The following HP1BP3 variants were observed in gnomAD, a reference collection of about 807,000 sequenced individuals.
The protein encoded by HP1BP3 is heterochromatin protein 1-binding protein 3.
Under a neutral mutation model 62.5 loss-of-function variants are expected in HP1BP3, and 12 were observed. The ratio of observed to expected loss-of-function variants is 0.19; its 90% CI spans 0.12 to 0.31. HP1BP3 has a LOEUF of 0.31. Ranked by LOEUF, HP1BP3 falls within the 10% of genes least tolerant of loss-of-function variation. The probability of loss-of-function intolerance (pLI) is 1.00; values close to 1 mark genes in which losing one functional copy is unlikely to be tolerated. For synonymous variants in HP1BP3, 260 were observed against 237.8 expected (o/e 1.09, Z -0.86); for missense variants, 502 against 651.8 (o/e 0.77, Z 2.50).
At position 20,770,925 on chromosome 1, in the gene HP1BP3, A is replaced by T; in HGVS notation, c.654+5T>A. 6.3e-7 allele frequency: 1 copy of T among 1,592,586 alleles called. No homozygotes were observed. Among genetic ancestry groups the T allele is most frequent in the Admixed American group, 1.8e-5 (1 of 54,994 alleles). On this transcript the variant is annotated splice_donor_5th_base_variant and intron_variant, in intron 6 of 12. Transcript: ENST00000438032. ...ATGATCTTACTACTAACAATTGTGT[A>T]ATACCTGTTTGATGACTCCTCTATT... is the stretch of plus-strand genomic sequence containing the variant.
chr1:20,752,901 A>G (rs1359921992), intron 9 of HP1BP3, among the ~76,000 whole-genome samples: 1 of 152,114 alleles, frequency 6.6e-6, no homozygotes, highest in African/African-American at 2.4e-5. Context: ...CACTTGTGTA[A>G]TTGTTAAAGT....
intron 7 of HP1BP3, among the ~76,000 whole-genome samples, chr1:20,766,310 A>C (rs1252140001): frequency 6.6e-6 from 1 of 152,182 alleles, no homozygotes; most frequent in Non-Finnish European, 1.5e-5. Context: ...CACACAAAAA[A>C]CACACATAAA....
Position 20,740,799 on chromosome 1 carries a change from C to G in HP1BP3, c.*3998G>C, listed in dbSNP as rs897306852. ...CACCACTGCGCTGCAGCCTTAGTGACACAGCAAACTCCATCTCAAAAAAAT... is the reference window on the plus strand; with the variant it reads ...CACCACTGCGCTGCAGCCTTAGTGAGACAGCAAACTCCATCTCAAAAAAAT... On this transcript the variant is annotated 3_prime_UTR_variant, in exon 13 of 13. Transcript: ENST00000438032. Among the ~76,000 whole-genome samples the G allele has an allele frequency of 6.6e-6, 1 of 152,184 alleles. No homozygotes were observed. Among genetic ancestry groups the G allele is most frequent in the African/African-American group, 2.4e-5 (1 of 41,438 alleles).
Position 20,744,693 on chromosome 1 carries a change from G to A in HP1BP3, c.*104C>T. On this transcript the variant is annotated 3_prime_UTR_variant, in exon 13 of 13. Transcript: ENST00000438032. ...CCCTCCCCACAATGTTCATAGGGGA[G>A]GAAAATAATGTAATTTGAAAAGCAT... 2 of 1,120,840 alleles carry A rather than the reference G, an allele frequency of 1.8e-6. No individual in the cohort carries two copies. Among genetic ancestry groups the A allele is most frequent in the Non-Finnish European group, 1.3e-6 (1 of 792,580 alleles). 69.4% of individuals were successfully genotyped at this position (1,120,840 alleles called of 1,614,324 possible).
At position 20,741,821 on chromosome 1, in the gene HP1BP3, C is replaced by G. The variant is rs541220056; in HGVS notation, c.*2976G>C. On this transcript the variant is annotated 3_prime_UTR_variant, in exon 13 of 13. Coordinates refer to ENST00000438032, the MANE Select transcript of HP1BP3 (RefSeq NM_001372052.1). ...AGCTATTGATCCATGCTAGAGATTT[C>G]TGGGATTACCTCTGGGGTTTGTTGT... Among the ~76,000 whole-genome samples the G allele has an allele frequency of 2.6e-5, 4 of 152,312 alleles. No individual in the cohort carries two copies. In the East Asian group the frequency reaches 7.7e-4, roughly 29 times the overall value.
chr1:20,744,776 T>C lies in HP1BP3; in HGVS notation c.*21A>G. Reference sequence around the variant, plus strand: ...AATAAGATTTTGAATTTCATCATGATACCCTTTTTTCCTATAAAATTTACT... The same window carrying C: ...AATAAGATTTTGAATTTCATCATGACACCCTTTTTTCCTATAAAATTTACT... On this transcript the variant is annotated 3_prime_UTR_variant, in exon 13 of 13. Coordinates refer to ENST00000438032, the MANE Select transcript of HP1BP3 (RefSeq NM_001372052.1). 1.3e-6 allele frequency: 2 copies of C among 1,572,064 alleles called. No individual in the cohort carries two copies. The highest frequency in any genetic ancestry group is 1.9e-5 in the Admixed American group (1 of 52,060).
chr1:20,740,378 AG>A lies in HP1BP3; in HGVS notation c.*4418del, dbSNP rs1337963609. 6.6e-6 allele frequency among the ~76,000 whole-genome samples: 1 copy of A among 152,234 alleles called. No individual in the cohort carries two copies. The highest frequency in any genetic ancestry group is 1.5e-5 in the Non-Finnish European group (1 of 68,030). On this transcript the variant is annotated 3_prime_UTR_variant, in exon 13 of 13. Transcript: ENST00000438032. ...TGAGGAAAATCGCTTCAGCCTTTTG[AG>A]GCCTCCTTTGACATACCAGTGGTTG...
chr1:20,767,641 T>C lies in HP1BP3; in HGVS notation c.678A>G (p.Gly226=). ...IKQVKGKGAS[G]SFVVVQKSRK... is the part of the protein sequence containing the mutation. Reference sequence around the variant, plus strand: ...TTGATTTCTGAACCACAACAAAACTTCCAGAAGCACCTTTTCCTTTAACCT... The same window carrying C: ...TTGATTTCTGAACCACAACAAAACTCCCAGAAGCACCTTTTCCTTTAACCT... Residue 226 remains glycine (G), a synonymous_variant, in exon 7 of 13, where the codon GGA becomes GGG. Transcript: ENST00000438032. The C allele has an allele frequency of 1.2e-6, 2 of 1,609,870 alleles. No homozygotes were observed. The highest frequency in any genetic ancestry group is 1.7e-6 in the Non-Finnish European group (2 of 1,178,142).
intron 1 of HP1BP3, among the ~76,000 whole-genome samples, chr1:20,782,819 G>A (rs2057625946): frequency 6.8e-6 from 1 of 147,354 alleles, no homozygotes; most frequent in African/African-American, 2.5e-5. Flanking sequence ...AGAATCACTT[G>A]AACCTGGGAG....
intron 6 of HP1BP3, among the ~76,000 whole-genome samples, chr1:20,769,982 AT>A (rs1367900671): frequency 6.6e-6 from 1 of 152,134 alleles, no homozygotes; most frequent in African/African-American, 2.4e-5. Context: ...GGTTTTTAAA[AT>A]TTTTGCCACT....
intron 9 of HP1BP3, among the ~76,000 whole-genome samples, chr1:20,751,172 T>C (rs2055724368): frequency 6.6e-6 from 1 of 152,168 alleles, no homozygotes; most frequent in African/African-American, 2.4e-5. Context: ...TCTAGCTTGC[T>C]TTATTATAAG....
intron 4 of HP1BP3, chr1:20,776,289 T>C (rs1387269645): frequency 1.4e-5 from 6 of 429,002 alleles, no homozygotes; most frequent in Non-Finnish European, 2.0e-5. Flanking sequence ...GTTTCATTTC[T>C]TATTGAAGTC....
chr1:20,763,869 G>T (rs2056621066), intron 8 of HP1BP3, among the ~76,000 whole-genome samples: 1 of 152,096 alleles, frequency 6.6e-6, no homozygotes, highest in Admixed American at 6.6e-5. Context: ...ATATATATAT[G>T]ATGTATATGT....
At chr1:20,782,024 T>C (rs976580723) in intron 1 of HP1BP3, among the ~76,000 whole-genome samples, 1 of 152,256 alleles carries the variant, frequency 6.6e-6, no homozygotes, top group South Asian at 2.1e-4. Flanking sequence ...AGGTTATCCT[T>C]AGTAAAGTTA....
intron 8 of HP1BP3, among the ~76,000 whole-genome samples, chr1:20,765,063 G>A (rs748155266): frequency 4.6e-5 from 7 of 151,252 alleles, no homozygotes; most frequent in African/African-American, 4.8e-5. Flanking sequence ...CAGCTACCCG[G>A]GAGGCGGAGG....
chr1:20,773,251 A>AT (rs1197519787), intron 5 of HP1BP3, among the ~76,000 whole-genome samples, 200 bp downstream of exon 5: 3 of 151,912 alleles, frequency 2.0e-5, no homozygotes, highest in African/African-American at 4.8e-5. Context: ...ATTAAATATA[A>AT]TTTTTTTAAA....
intron 6 of HP1BP3, 92 bp downstream of exon 6, chr1:20,770,837 AC>A (rs1431470556): frequency 1.1e-5 from 10 of 942,206 alleles, no homozygotes; most frequent in East Asian, 5.8e-5. Context: ...CTTATTTTTA[AC>A]AAAAAAGGCA....
At chr1:20,775,942 T>G in intron 4 of HP1BP3, 1 of 1,504,922 alleles carries the variant, frequency 6.6e-7, no homozygotes. Context: ...TGACTATAGT[T>G]AAAAGCAATT....
Position 20,765,457 on chromosome 1 carries a change from A to C in HP1BP3, c.810T>G (p.Leu270=), listed in dbSNP as rs1316893560. The C allele has an allele frequency of 1.1e-5, 17 of 1,613,324 alleles. No individual in the cohort carries two copies. The highest frequency in any genetic ancestry group is 1.4e-5 in the Non-Finnish European group (16 of 1,179,414). Reference sequence around the variant, plus strand: ...TGTAGGAAGCTTCTTTAGGTTCACAAAGGCGAGTAAAGGCCAGTGGGAGGA... The same window carrying C: ...TGTAGGAAGCTTCTTTAGGTTCACACAGGCGAGTAAAGGCCAGTGGGAGGA... ...EDVLPLAFTR[L]CEPKEASYSL... The change falls in exon 8 of 13, where the codon CTT becomes CTG. Residue 270 remains leucine, a synonymous_variant. Transcript: ENST00000438032.
Sources: allele counts gnomAD v4.1 joint callset (sites outside exome capture counted in the v4.1 genomes callset), GRCh38; gene constraint gnomAD v4.1.1; transcripts MANE v1.5; gene names NCBI Gene and HGNC (gene_info 2026-07-23, HGNC 2026-07-21).